CENPK: variants seen among roughly 807,000 people sequenced by gnomAD.
CENPK encodes the protein centromere protein K, also known as SoxLZ/Sox6-binding protein Solt.
Under a neutral mutation model 40.9 loss-of-function variants are expected in CENPK, and 46 were observed. The observed-to-expected ratio is 1.13, with a 90% CI of 0.89 to 1.44. The LOEUF (loss-of-function observed/expected upper bound fraction) is 1.44, where lower values mean the gene tolerates loss of function less well. Ranked by LOEUF, CENPK falls within the 40% of genes most tolerant of loss-of-function variation. The probability of loss-of-function intolerance (pLI) is 0.00; values close to 1 mark genes in which losing one functional copy is unlikely to be tolerated. For synonymous variants in CENPK, 107 were observed against 104.4 expected (o/e 1.02, Z -0.15); for missense variants, 288 against 303.5 (o/e 0.95, Z 0.38).
At chr5:65,495,728 AC>A in the CENPK span, among the ~76,000 whole-genome samples, 10 of 152,218 alleles carry the variant, frequency 6.6e-5, no homozygotes, top group African/African-American at 2.4e-4. Flanking sequence ...GATCAAGGAA[AC>A]AAAAAATTCA....
At chr5:65,534,148 C>T (rs1223480482) in intron 6 of CENPK, among the ~76,000 whole-genome samples, 1 of 149,594 alleles carries the variant, frequency 6.7e-6, no homozygotes, top group Non-Finnish European at 1.5e-5. Flanking sequence ...ATGAACTTGA[C>T]AAAAGATGTG....
chr5:65,541,151 A>G (rs1747906068), intron 6 of CENPK, among the ~76,000 whole-genome samples: 1 of 152,092 alleles, frequency 6.6e-6, no homozygotes, highest in Non-Finnish European at 1.5e-5. Flanking sequence ...CTCTTATGAC[A>G]CCTGAGTAAA....
At chr5:65,542,128 A>T (rs374895097) in intron 6 of CENPK, among the ~76,000 whole-genome samples, 3 of 152,188 alleles carry the variant, frequency 2.0e-5, no homozygotes, top group African/African-American at 7.2e-5. Context: ...TCACCTCCTA[A>T]TATCATCACA....
intron 5 of CENPK, among the ~76,000 whole-genome samples, chr5:65,549,380 T>C (rs929710124): frequency 6.6e-6 from 1 of 152,012 alleles, no homozygotes; most frequent in Non-Finnish European, 1.5e-5. Flanking sequence ...GATAAATGAG[T>C]GTTGGTTTTA....
intron 9 of CENPK, among the ~76,000 whole-genome samples, chr5:65,524,109 C>T (rs535109087): frequency 6.6e-6 from 1 of 152,196 alleles, no homozygotes; most frequent in Admixed American, 6.5e-5. Context: ...GGCACGGTGG[C>T]TCATGCCTGT....
chr5:65,539,204 C>T (rs1270819576), intron 6 of CENPK, among the ~76,000 whole-genome samples: 1 of 152,192 alleles, frequency 6.6e-6, no homozygotes, highest in Admixed American at 6.5e-5. Context: ...AGGTCTTCCT[C>T]ACATGCAAAA....
At chr5:65,512,853 TTA>T (rs1385428858), downstream of CENPK, among the ~76,000 whole-genome samples, 5 of 152,180 alleles carry the variant, frequency 3.3e-5, no homozygotes, top group Admixed American at 2.6e-4. Context: ...GCCTTTGGTA[TTA>T]TATTTTAATT....
chr5:65,521,654 G>A (rs1020958459), intron 9 of CENPK, 126 bp from the exon 10 acceptor site: 4 of 666,092 alleles, frequency 6.0e-6, no homozygotes, highest in Non-Finnish European at 1.0e-5. Context: ...AGGCTGGAGT[G>A]CAATGGCGCA....
At chr5:65,516,446 C>G (rs1742861660), downstream of CENPK, among the ~76,000 whole-genome samples, 1 of 152,166 alleles carries the variant, frequency 6.6e-6, no homozygotes, top group African/African-American at 2.4e-5. Flanking sequence ...GAACAATCCA[C>G]CATCATGTGA....
chr5:65,556,163 A>G (rs1750941656), intron 2 of CENPK, among the ~76,000 whole-genome samples: 2 of 152,138 alleles, frequency 1.3e-5, no homozygotes, highest in Non-Finnish European at 2.9e-5. Context: ...AAAATAAATA[A>G]ATTAGCTAGA....
At chr5:65,541,498 G>A (rs979390536) in intron 6 of CENPK, 6 of 453,834 alleles carry the variant, frequency 1.3e-5, no homozygotes, top group Admixed American at 2.4e-5. Context: ...GAGGTGCTAC[G>A]TTGTATTGAG....
At chr5:65,560,158 T>C (rs992934018) in intron 2 of CENPK, among the ~76,000 whole-genome samples, 4 of 152,068 alleles carry the variant, frequency 2.6e-5, no homozygotes, top group African/African-American at 7.2e-5. Flanking sequence ...TTTTTTTTAA[T>C]TCTGCATGGA....
chr5:65,524,113 T>C (rs1744236369), intron 9 of CENPK, among the ~76,000 whole-genome samples: 1 of 151,996 alleles, frequency 6.6e-6, no homozygotes, highest in Non-Finnish European at 1.5e-5. Flanking sequence ...CGGTGGCTCA[T>C]GCCTGTAATC....
intron 2 of CENPK, among the ~76,000 whole-genome samples, chr5:65,557,899 T>C (rs549692080): frequency 1.3e-5 from 2 of 152,220 alleles, no homozygotes; most frequent in African/African-American, 4.8e-5. Context: ...CAAGAAAGAA[T>C]GGAAGGCAAG....
chr5:65,508,030 A>G, the CENPK span, among the ~76,000 whole-genome samples: 1 of 152,230 alleles, frequency 6.6e-6, no homozygotes, highest in South Asian at 2.1e-4. Flanking sequence ...TAATTACATC[A>G]TATCAAGATA....
rs1752277584 is a variant in CENPK, at chr5:65,562,905, A to C, written c.-142+193T>G. On this transcript the variant is annotated intron_variant, in intron 1 of 10. Transcript: ENST00000396679. ...GAGTTAACCACTTCCTTCTGTCCCC[A>C]CCCTTCCATCTTTCTCTAAATATTG... 5.6e-5 allele frequency: 9 copies of C among 160,026 alleles called. No individual in the cohort carries two copies. The South Asian group carries it at 1.2e-3, about 21-fold the overall frequency. 9.9% of individuals were successfully genotyped at this position (160,026 alleles called of 1,614,324 possible). A position where few individuals can be genotyped will look rare whatever the true frequency, so the allele number is the denominator to read the frequency against.
chr5:65,536,725 G>A (rs1746972128), intron 6 of CENPK, among the ~76,000 whole-genome samples: 1 of 151,950 alleles, frequency 6.6e-6, no homozygotes, highest in Admixed American at 6.6e-5. Flanking sequence ...TCTTGCCTTC[G>A]ATTTTTTAAT....
the CENPK span, among the ~76,000 whole-genome samples, chr5:65,511,175 C>T: frequency 8.5e-5 from 13 of 152,236 alleles, no homozygotes; most frequent in Non-Finnish European, 1.8e-4. Context: ...GGTGAGGAAG[C>T]TGCAAAAGAA....
At chr5:65,510,519 A>G in the CENPK span, among the ~76,000 whole-genome samples, 10 of 152,182 alleles carry the variant, frequency 6.6e-5, no homozygotes, top group Non-Finnish European at 8.8e-5. Context: ...TAACGCCTGT[A>G]ATCCCAGCAC....
Sources: gnomAD v4.1 joint callset for allele counts (sites outside exome capture counted in the v4.1 genomes callset) on GRCh38, gnomAD v4.1.1 for gene constraint, MANE v1.5 for transcripts, NCBI Gene and HGNC (gene_info 2026-07-23, HGNC 2026-07-21) for gene names.